Variants in NKAIN2 observed in about 807,000 individuals in gnomAD.
NKAIN2 encodes the protein sodium/potassium-transporting ATPase subunit beta-1-interacting protein 2.
In NKAIN2, 14 loss-of-function variants were observed where a neutral mutation model predicts 32.6. That is an observed-to-expected ratio of 0.43 (90% CI 0.28 to 0.67). The LOEUF (loss-of-function observed/expected upper bound fraction) is 0.67. Ranked by LOEUF, NKAIN2 falls within the 30% of genes least tolerant of loss-of-function variation. NKAIN2 has a pLI of 0.17. For synonymous variants in NKAIN2, 80 were observed against 87.2 expected (o/e 0.92, Z 0.46); for missense variants, 198 against 258.3 (o/e 0.77, Z 1.60).
intron 1 of NKAIN2, among the ~76,000 whole-genome samples, chr6:124,154,113 G>A (rs1787865672): frequency 6.6e-6 from 1 of 151,562 alleles, no homozygotes; most frequent in Non-Finnish European, 1.5e-5. Context: ...TTGACACGGT[G>A]AATTATATTG....
At chr6:124,083,291 A>G (rs1325338171) in intron 1 of NKAIN2, among the ~76,000 whole-genome samples, 1 of 151,966 alleles carries the variant, frequency 6.6e-6, no homozygotes, top group Non-Finnish European at 1.5e-5. Flanking sequence ...CATTTCAAGA[A>G]TAAAACTAAA....
At chr6:124,529,065 T>C (rs1447422614) in intron 3 of NKAIN2, among the ~76,000 whole-genome samples, 1 of 152,214 alleles carries the variant, frequency 6.6e-6, no homozygotes, top group East Asian at 1.9e-4. Context: ...ATAATTTTCT[T>C]TGACTCAATA....
intron 3 of NKAIN2, among the ~76,000 whole-genome samples, chr6:124,423,996 C>CT (rs1440699303): frequency 1.3e-5 from 2 of 152,104 alleles, no homozygotes; most frequent in African/African-American, 4.8e-5. Context: ...TTTAATTTAA[C>CT]TTTTTTATTT....
chr6:124,566,803 C>T (rs9375340), intron 3 of NKAIN2, among the ~76,000 whole-genome samples: 8,802 of 151,776 alleles, frequency 0.058, 394 homozygotes, highest in East Asian at 0.24. Flanking sequence ...TTTAGTATTT[C>T]ACACACACAC....
chr6:124,690,481 G>T (rs1001384707), intron 4 of NKAIN2, among the ~76,000 whole-genome samples: 2 of 152,042 alleles, frequency 1.3e-5, no homozygotes, highest in African/African-American at 4.8e-5. Flanking sequence ...ATGTTGAAAA[G>T]AAGTGTTGAA....
chr6:123,804,296 G>T, intron 1 of NKAIN2, 42 bp downstream of exon 1: 1 of 1,527,234 alleles, frequency 6.5e-7, no homozygotes, highest in Non-Finnish European at 9.1e-7. Context: ...ATGTGTCTTT[G>T]AGATAGTGGG....
intron 4 of NKAIN2, among the ~76,000 whole-genome samples, chr6:124,769,105 C>T (rs189819211): frequency 9.6e-4 from 146 of 152,222 alleles, no homozygotes; most frequent in Middle Eastern, 3.4e-3. Context: ...TAATTCAGGT[C>T]GATTTTAAAT....
At chr6:124,540,278 T>C (rs1424059371) in intron 3 of NKAIN2, among the ~76,000 whole-genome samples, 1 of 152,248 alleles carries the variant, frequency 6.6e-6, no homozygotes, top group African/African-American at 2.4e-5. Context: ...ACAGCTCTAG[T>C]CATTTTGATG....
intron 3 of NKAIN2, among the ~76,000 whole-genome samples, chr6:124,619,668 A>G (rs1175491413): frequency 6.6e-6 from 1 of 152,200 alleles, no homozygotes; most frequent in Non-Finnish European, 1.5e-5. Context: ...ATCATGACAA[A>G]TGATTTGGCT....
chr6:123,937,541 T>C (rs779251838), intron 1 of NKAIN2, among the ~76,000 whole-genome samples: 1 of 152,082 alleles, frequency 6.6e-6, no homozygotes, highest in Admixed American at 6.6e-5. Context: ...AAGAACAACG[T>C]TTTCTATAAA....
chr6:124,796,336 C>A (rs1779997218), intron 5 of NKAIN2, among the ~76,000 whole-genome samples: 1 of 152,156 alleles, frequency 6.6e-6, no homozygotes. Context: ...CCCATTTAAC[C>A]TTCATTACCT....
chr6:124,742,528 C>T (rs1469996367), intron 4 of NKAIN2, among the ~76,000 whole-genome samples: 2 of 151,858 alleles, frequency 1.3e-5, no homozygotes, highest in Non-Finnish European at 2.9e-5. Context: ...CCCTGGTTCT[C>T]TGACTTGCAG....
chr6:124,424,325 T>C (rs1212368068), intron 3 of NKAIN2, among the ~76,000 whole-genome samples: 2 of 152,204 alleles, frequency 1.3e-5, no homozygotes, highest in African/African-American at 4.8e-5. Flanking sequence ...ACATATACAA[T>C]GAACTGATCA....
At chr6:123,958,162 G>C (rs892859559) in intron 1 of NKAIN2, among the ~76,000 whole-genome samples, 2 of 152,076 alleles carry the variant, frequency 1.3e-5, no homozygotes, top group Non-Finnish European at 2.9e-5. Flanking sequence ...ACACCGACCA[G>C]TGTAGGAAGG....
chr6:124,198,907 T>A (rs1452206028), intron 1 of NKAIN2, among the ~76,000 whole-genome samples: 2 of 152,144 alleles, frequency 1.3e-5, no homozygotes, highest in Admixed American at 6.5e-5. Flanking sequence ...ATTTTGTAGG[T>A]TATCTGGCCT....
At chr6:124,659,178 A>T (rs193255656) in intron 4 of NKAIN2, among the ~76,000 whole-genome samples, 1 of 152,316 alleles carries the variant, frequency 6.6e-6, no homozygotes, top group Non-Finnish European at 1.5e-5. Flanking sequence ...CCATTTATTC[A>T]TTACAGATCT....
chr6:124,075,102 G>C (rs554620072), intron 1 of NKAIN2, among the ~76,000 whole-genome samples: 1 of 152,168 alleles, frequency 6.6e-6, no homozygotes, highest in Non-Finnish European at 1.5e-5. Context: ...ATTGAGGCAT[G>C]TGTTAACTAT....
chr6:124,269,571 G>C (rs958044324), intron 1 of NKAIN2, among the ~76,000 whole-genome samples: 1 of 150,930 alleles, frequency 6.6e-6, no homozygotes. Context: ...AAGTTCAAGC[G>C]ATTCTCCTGC....
chr6:124,731,014 C>G (rs1187023139), intron 4 of NKAIN2, among the ~76,000 whole-genome samples: 24 of 144,550 alleles, frequency 1.7e-4, no homozygotes, highest in East Asian at 8.2e-4. Context: ...CAATGAGATA[C>G]CATCTCACAC....
Sources: gnomAD v4.1 joint callset for allele counts (sites outside exome capture counted in the v4.1 genomes callset) on GRCh38, gnomAD v4.1.1 for gene constraint, MANE v1.5 for transcripts, NCBI Gene and HGNC (gene_info 2026-07-23, HGNC 2026-07-21) for gene names.